Variants in RHOH observed in about 807,000 individuals in gnomAD.
RHOH encodes the protein rho-related GTP-binding protein RhoH.
A neutral mutation model predicts 13.8 loss-of-function variants in RHOH; 6 were observed. That is an observed-to-expected ratio of 0.44 (90% confidence interval 0.24 to 0.86). The LOEUF (loss-of-function observed/expected upper bound fraction) is 0.86, where lower values mean the gene tolerates loss of function less well. RHOH is among the 40% of genes least tolerant of loss of function. RHOH has a pLI of 0.24. For missense variants in RHOH, 147 were observed against 244.5 expected (o/e 0.60, Z 2.66); for synonymous variants, 117 against 103.0 (o/e 1.14, Z -0.82).
At chr4:40,195,019 C>T (rs1356046886), upstream of RHOH, among the ~76,000 whole-genome samples, 1 of 152,148 alleles carries the variant, frequency 6.6e-6, no homozygotes, top group Non-Finnish European at 1.5e-5. Context: ...CTCCCGCGGG[C>T]AATGAGCTTT....
intron 1 of RHOH, among the ~76,000 whole-genome samples, chr4:40,232,044 T>C (rs1488026605): frequency 1.3e-5 from 2 of 152,236 alleles, no homozygotes; most frequent in African/African-American, 4.8e-5. Context: ...TTTCCCTTTG[T>C]TGGCACTTTA....
rs575245621 is a variant in RHOH, at chr4:40,231,605, C to T, written c.-330-11109C>T. Among the ~76,000 whole-genome samples, 167 of 152,310 alleles carry T rather than the reference C, an allele frequency of 1.1e-3. 1 individual carries two copies. Among genetic ancestry groups the T allele is most frequent in the African/African-American group, 3.9e-3 (161 of 41,580 alleles). On this transcript the variant is annotated intron_variant, in intron 1 of 2. Transcript: ENST00000381799. ...GCCTATGTTTGCCAGCAGCTTCTCC[C>T]AGGCCCCCAGGCCTACAGCCTCAGA...
intron 1 of RHOH, among the ~76,000 whole-genome samples, chr4:40,222,172 G>GAGAGGC (rs1726666044): frequency 6.6e-6 from 1 of 152,202 alleles, no homozygotes; most frequent in African/African-American, 2.4e-5. Context: ...AAAGTATAAA[G>GAGAGGC]AGAGGCAGCA....
At chr4:40,206,079 G>A (rs137923895) in intron 1 of RHOH, among the ~76,000 whole-genome samples, 422 of 152,290 alleles carry the variant, frequency 2.8e-3, no homozygotes, top group Non-Finnish European at 4.5e-3. Context: ...AAGGCTGGTA[G>A]CAAAGTCTCT....
intron 1 of RHOH, among the ~76,000 whole-genome samples, chr4:40,222,056 C>A (rs912238758): frequency 1.3e-5 from 2 of 152,138 alleles, no homozygotes; most frequent in Non-Finnish European, 2.9e-5. Context: ...TAACTTGCTT[C>A]AATTCTATGA....
chr4:40,199,658 A>C (rs1049582400), intron 1 of RHOH, among the ~76,000 whole-genome samples: 13 of 152,194 alleles, frequency 8.5e-5, no homozygotes, highest in African/African-American at 2.7e-4. Flanking sequence ...GGCAGAGAGC[A>C]TGACCTTTCT....
chr4:40,206,519 C>G (rs1006953873), intron 1 of RHOH, among the ~76,000 whole-genome samples: 1 of 151,902 alleles, frequency 6.6e-6, no homozygotes, highest in East Asian at 1.9e-4. Context: ...CCTAAAAGTC[C>G]CCTTTGGCAT....
chr4:40,220,474 T>C (rs1726420747), intron 1 of RHOH, among the ~76,000 whole-genome samples: 1 of 152,204 alleles, frequency 6.6e-6, no homozygotes, highest in Non-Finnish European at 1.5e-5. Context: ...AGGTCCTAGC[T>C]ATATGGTACT....
intron 1 of RHOH, among the ~76,000 whole-genome samples, chr4:40,229,078 C>T (rs1216822230): frequency 6.6e-6 from 1 of 152,062 alleles, no homozygotes; most frequent in Non-Finnish European, 1.5e-5. Context: ...ATAGTGATGT[C>T]TTACTGAGTT....
intron 1 of RHOH, among the ~76,000 whole-genome samples, chr4:40,237,051 A>C (rs1387646015): frequency 1.3e-5 from 2 of 152,236 alleles, no homozygotes; most frequent in Admixed American, 1.3e-4. Context: ...TCTATTTGTT[A>C]GATAGTGAAA....
At chr4:40,194,009 A>T (rs377279456), upstream of RHOH, among the ~76,000 whole-genome samples, 8 of 152,124 alleles carry the variant, frequency 5.3e-5, no homozygotes, top group South Asian at 1.5e-3. Context: ...TCTACTTAGG[A>T]GATGGAGGGG....
chr4:40,196,693 T>TG (rs945983427), upstream of RHOH, among the ~76,000 whole-genome samples: 1 of 42,052 alleles, frequency 2.4e-5, no homozygotes, highest in African/African-American at 1.8e-4. Flanking sequence ...TGGCATGGAC[T>TG]TTTTTTTTTT....
intron 1 of RHOH, among the ~76,000 whole-genome samples, chr4:40,233,434 G>A (rs60015646): frequency 9.8e-4 from 127 of 129,458 alleles, no homozygotes; most frequent in African/African-American, 3.9e-3. Flanking sequence ...CAAAGGAACC[G>A]AAGGTCAGAG....
At chr4:40,200,278 A>G (rs1353820091) in intron 1 of RHOH, 1 of 152,216 alleles carries the variant, frequency 6.6e-6, no homozygotes. Context: ...TTGCACAAGA[A>G]GTTGTCATAC....
intron 1 of RHOH, among the ~76,000 whole-genome samples, chr4:40,221,556 C>T (rs139565749): frequency 2.7e-3 from 414 of 152,240 alleles, no homozygotes; most frequent in Admixed American, 4.5e-3. Flanking sequence ...GTTACTGTTG[C>T]AATTGTTTTG....
At chr4:40,205,346 C>T (rs1172865565) in intron 1 of RHOH, among the ~76,000 whole-genome samples, 1 of 152,162 alleles carries the variant, frequency 6.6e-6, no homozygotes, top group Non-Finnish European at 1.5e-5. Flanking sequence ...TCAGCTGATG[C>T]CCCTAAGCAA....
chr4:40,211,528 C>A (rs1725271540), intron 1 of RHOH, among the ~76,000 whole-genome samples: 1 of 152,118 alleles, frequency 6.6e-6, no homozygotes, highest in South Asian at 2.1e-4. Context: ...CCTGCCTCGG[C>A]CTCCCAAAGT....
At chr4:40,230,021 T>A (rs1171552386) in intron 1 of RHOH, among the ~76,000 whole-genome samples, 2 of 152,230 alleles carry the variant, frequency 1.3e-5, no homozygotes, top group Non-Finnish European at 2.9e-5. Flanking sequence ...TCATATTTAT[T>A]TGAATATCTA....
intron 1 of RHOH, among the ~76,000 whole-genome samples, chr4:40,241,976 G>T (rs529944976): frequency 3.3e-5 from 5 of 152,256 alleles, no homozygotes; most frequent in Non-Finnish European, 7.3e-5. Flanking sequence ...TAAATCAGAC[G>T]TGTAGGTTTG....
Sources: allele counts gnomAD v4.1 joint callset (sites outside exome capture counted in the v4.1 genomes callset), GRCh38; gene constraint gnomAD v4.1.1; transcripts MANE v1.5; gene names NCBI Gene and HGNC (gene_info 2026-07-23, HGNC 2026-07-21).